The following NLRP1 variants were observed in gnomAD, a reference collection of about 807,000 sequenced individuals.
The protein encoded by NLRP1 is NACHT, LRR and PYD domains-containing protein 1.
A neutral mutation model predicts 136.7 loss-of-function variants in NLRP1; 94 were observed. The observed-to-expected ratio is 0.69, with a 90% CI of 0.58 to 0.82. NLRP1 has a LOEUF of 0.82. NLRP1 is among the 40% of genes least tolerant of loss of function. NLRP1 has a pLI of 0.00. For missense variants in NLRP1, 1,575 were observed against 1,802.7 expected, an observed-to-expected ratio of 0.87 and a Z score of 2.29; for synonymous variants, 690 against 725.1, an observed-to-expected ratio of 0.95 and a Z score of 0.78.
rs1200108016 is a variant in NLRP1, at chr17:5,559,893, G to A, written c.803C>T (p.Pro268Leu). Residue 268 changes from proline to leucine, a missense_variant, in exon 4 of 17, where the codon CCC becomes CTC. Pro to Leu is a moderately conservative substitution (Grantham distance 98, BLOSUM62 -3). Transcript: ENST00000572272. ...TTGGTTAAAATCCTCATTTTTCCAG[G>A]GCCATGTGGAACAGAGGCTCTCTCT... ...SVRESLCSTW[P>L]WKNEDFNQKF... The A allele has an allele frequency of 6.2e-7, 1 of 1,614,148 alleles. No individual in the cohort carries two copies. The highest frequency in any genetic ancestry group is 1.7e-5 in the Admixed American group (1 of 60,024).
chr17:5,537,318 G>A lies in NLRP1; in HGVS notation c.2871-378C>T, dbSNP rs930077770. Among the ~76,000 whole-genome samples, 2 of 152,224 alleles carry A rather than the reference G, an allele frequency of 1.3e-5. No homozygotes were observed. The highest frequency in any genetic ancestry group is 6.5e-5 in the Admixed American group (1 of 15,290). On this transcript the variant is annotated intron_variant, in intron 7 of 16. Transcript: ENST00000572272. This position sits in a 1 kb window ranked among gnomAD's most constrained non-coding sequence, Gnocchi z 4.5. ...CCCCAGGAAGGAGATGTGGCCTTGGGTGAGGTGGCTCTCACTGGCAGAGGC... is the reference window on the plus strand; with the variant it reads ...CCCCAGGAAGGAGATGTGGCCTTGGATGAGGTGGCTCTCACTGGCAGAGGC...
chr17:5,524,553 C>T (rs1253450902), intron 12 of NLRP1, among the ~76,000 whole-genome samples: 1 of 152,266 alleles, frequency 6.6e-6, no homozygotes, highest in Non-Finnish European at 1.5e-5. Flanking sequence ...ACCTCCTTCA[C>T]TCCCCAGTTG....
chr17:5,525,603 G>C (rs973765092), intron 12 of NLRP1, among the ~76,000 whole-genome samples: 1 of 152,162 alleles, frequency 6.6e-6, no homozygotes, highest in Non-Finnish European at 1.5e-5. Context: ...GGGACAGTGG[G>C]ACCCACATCA....
In NLRP1 at chr17:5,558,950, T is replaced by C; in HGVS notation, c.1746A>G (p.Lys582=). 6.2e-7 allele frequency: 1 copy of C among 1,614,088 alleles called. No homozygotes were observed. The highest frequency in any genetic ancestry group is 8.5e-7 in the Non-Finnish European group (1 of 1,180,014). Residue 582 remains lysine (K), a synonymous_variant, in exon 4 of 17, where the codon AAA becomes AAG. Transcript: ENST00000572272. ...GGTCATCTGGACTGAAAAGGGTCTT[T>C]TTTTGCCAGATGCCCTCAGCAGCCA... is the stretch of plus-strand genomic sequence containing the variant. ...CSLAAEGIWQ[K]KTLFSPDDLR...
chr17:5,532,078 T>TGC (rs757130662), intron 11 of NLRP1, among the ~76,000 whole-genome samples: 1 of 152,178 alleles, frequency 6.6e-6, no homozygotes, highest in Non-Finnish European at 1.5e-5. Context: ...CCCCCATCTC[T>TGC]ACTAAAAATA....
At chr17:5,520,783 A>C in intron 14 of NLRP1, 98 bp downstream of exon 14, 1 of 1,144,182 alleles carries the variant, frequency 8.7e-7, no homozygotes, top group Non-Finnish European at 1.2e-6. Context: ...ACCTCGATTT[A>C]TCCTGTCCCT....
intron 12 of NLRP1, among the ~76,000 whole-genome samples, chr17:5,524,886 C>T (rs972259429): frequency 6.6e-6 from 1 of 152,162 alleles, no homozygotes; most frequent in Non-Finnish European, 1.5e-5. Flanking sequence ...GAGAGGGCTC[C>T]TGGGGGTGCA....
chr17:5,508,653 G>T (rs1227871299), intron 15 of NLRP1, among the ~76,000 whole-genome samples: 2 of 152,202 alleles, frequency 1.3e-5, no homozygotes, highest in Non-Finnish European at 2.9e-5. Flanking sequence ...TTAAGTAAAT[G>T]ATATATCTAC....
In NLRP1 at chr17:5,553,484, C is replaced by T; in HGVS notation, c.2430G>A (p.Leu810=). ...LFSVLKVTRN[L]KELDLSGNSL... ...AGTTTCCACTTAGGTCCAGCTCCTT[C>T]AGGTTTCTGGTGACCTTGAGGACGG... The change falls in exon 5 of 17, where the codon CTG becomes CTA. Residue 810 remains leucine (L), a synonymous_variant. Transcript: ENST00000572272. 2 of 1,614,210 alleles carry T rather than the reference C, an allele frequency of 1.2e-6. No homozygotes were observed. The highest frequency in any genetic ancestry group is 1.7e-6 in the Non-Finnish European group (2 of 1,180,044).
chr17:5,505,175 A>C (rs1180211944), intron 15 of NLRP1: 1 of 152,216 alleles, frequency 6.6e-6, no homozygotes, highest in East Asian at 1.9e-4. Context: ...AGTGTATTGC[A>C]ACCTCTACAC....
chr17:5,531,318 C>T (rs1910247297), intron 11 of NLRP1, among the ~76,000 whole-genome samples: 2 of 152,130 alleles, frequency 1.3e-5, no homozygotes, highest in Admixed American at 1.3e-4. Flanking sequence ...CTGGCTTAGG[C>T]AATTCTTCCA....
At chr17:5,551,088 T>C (rs1431557147) in intron 5 of NLRP1, among the ~76,000 whole-genome samples, 2 of 152,166 alleles carry the variant, frequency 1.3e-5, no homozygotes, top group Admixed American at 1.3e-4. Context: ...CTCTTGGTGG[T>C]GTACATTCTA....
In NLRP1 at chr17:5,537,080, G is replaced by C. The variant is rs1911177781; in HGVS notation, c.2871-140C>G. The C allele has an allele frequency of 1.6e-6, 1 of 639,136 alleles. No individual in the cohort carries two copies. The highest frequency in any genetic ancestry group is 2.4e-5 in the Admixed American group (1 of 41,430). The allele number at this position is 639,136 out of a possible 1,614,324, so 39.6% of individuals were successfully genotyped here. A position where few individuals can be genotyped will look rare whatever the true frequency, so the allele number is the denominator to read the frequency against. On this transcript the variant is annotated intron_variant, in intron 7 of 16. Transcript: ENST00000572272. This position sits in a 1 kb window ranked among gnomAD's most constrained non-coding sequence, Gnocchi z 4.5. ...TCCCTGGAAGCCAGGCTCTGAGGAG[G>C]AGGGTACAGTGAGGAGATTCATTAG...
rs12942931 is a variant in NLRP1 at position 5,541,994 on chromosome 17, G to A, written c.2562C>T (p.Cys854=). ...CTCTCAGCCCAAAGGCAAGGTCCTT[G>A]CAGTCCTCAGCTGTGAGGCCACAGC... is the stretch of plus-strand genomic sequence containing the variant. ...LAGCGLTAED[C]KDLAFGLRAN... Residue 854 remains cysteine, a synonymous_variant, in exon 6 of 17, where the codon TGC becomes TGT. Transcript: ENST00000572272. The surrounding 1 kb of genome is among the most constrained non-coding windows in gnomAD (Gnocchi z 4.2). 74,653 of 1,613,744 alleles carry A rather than the reference G, an allele frequency of 0.046. 1,938 individuals are homozygous for A. The highest frequency in any genetic ancestry group is 0.078 in the Middle Eastern group (470 of 6,062).
At chr17:5,556,841 C>T (rs924319613) in intron 4 of NLRP1, among the ~76,000 whole-genome samples, 3 of 152,064 alleles carry the variant, frequency 2.0e-5, no homozygotes, top group African/African-American at 7.2e-5. Context: ...CCAGGCTGGT[C>T]TCGAACTCCT....
intron 3 of NLRP1, among the ~76,000 whole-genome samples, chr17:5,580,319 T>C (rs776691060): frequency 7.2e-5 from 11 of 152,056 alleles, no homozygotes; most frequent in Non-Finnish European, 1.2e-4. Context: ...ACAGGTACCA[T>C]GCTTATTACC....
intron 10 of NLRP1, 35 bp downstream of exon 10, chr17:5,533,269 A>G (rs965068992): frequency 1.9e-6 from 3 of 1,551,652 alleles, no homozygotes; most frequent in Non-Finnish European, 2.6e-6. Context: ...AACATGGTTC[A>G]AAAGATGAAA....
At chr17:5,533,186 G>A (rs376127500) in intron 10 of NLRP1, 118 bp downstream of exon 10, 24 of 1,509,718 alleles carry the variant, frequency 1.6e-5, no homozygotes, top group South Asian at 6.6e-5. Context: ...CCCAGCCTCC[G>A]CCCATCTCCC....
chr17:5,514,196 A>G lies in NLRP1; in HGVS notation c.*558T>C, dbSNP rs200650027. ...TTTAATTCTTAAATTTAAGTAAAAA[A>G]TTTTTAATTTATAGGGGTTTTCTGG... On this transcript the variant is annotated 3_prime_UTR_variant, in exon 17 of 17. Transcript: ENST00000572272. The G allele has an allele frequency of 6.4e-6, 1 of 156,698 alleles. No homozygotes were observed. Among genetic ancestry groups the G allele is most frequent in the Non-Finnish European group, 1.4e-5 (1 of 72,358 alleles). 9.7% of individuals were successfully genotyped at this position (156,698 alleles called of 1,614,324 possible).
Sources: allele counts gnomAD v4.1 joint callset (sites outside exome capture counted in the v4.1 genomes callset), GRCh38; gene constraint gnomAD v4.1.1; non-coding constraint Gnocchi (gnomAD v3.1); transcripts MANE v1.5; gene names NCBI Gene and HGNC (gene_info 2026-07-23, HGNC 2026-07-21).